SYNPR: variants seen among roughly 807,000 people sequenced by gnomAD.
SYNPR encodes synaptoporin.
In SYNPR, 23 loss-of-function variants were observed where a neutral mutation model predicts 32.9. The ratio of observed to expected loss-of-function variants is 0.70; its 90% CI spans 0.50 to 0.99. SYNPR has a LOEUF of 0.99. Among genes scored for constraint, SYNPR ranks in the 50% least tolerant of loss-of-function variants. The probability of loss-of-function intolerance (pLI) is 0.00; values close to 1 mark genes in which losing one functional copy is unlikely to be tolerated. For missense variants in SYNPR, 318 were observed against 349.3 expected (o/e 0.91, Z 0.71); for synonymous variants, 146 against 135.9 (o/e 1.07, Z -0.52).
chr3:63,384,742 T>C (rs1467363195), intron 2 of SYNPR, among the ~76,000 whole-genome samples: 1 of 152,228 alleles, frequency 6.6e-6, no homozygotes, highest in African/African-American at 2.4e-5. Flanking sequence ...ATGCTGTACA[T>C]TGATTTTTCT....
chr3:63,376,476 T>C (rs1298718804), intron 2 of SYNPR, among the ~76,000 whole-genome samples: 3 of 152,182 alleles, frequency 2.0e-5, no homozygotes, highest in East Asian at 3.9e-4. Flanking sequence ...TATAGGCTTC[T>C]CTCTACATTA....
chr3:63,490,625 A>T (rs932081687), intron 3 of SYNPR, among the ~76,000 whole-genome samples: 5 of 152,102 alleles, frequency 3.3e-5, no homozygotes, highest in Non-Finnish European at 5.9e-5. Context: ...AGTCCTGTTC[A>T]TTAGTTTTTC....
chr3:63,545,422 A>C (rs1476072052), intron 3 of SYNPR: 1 of 152,102 alleles, frequency 6.6e-6, no homozygotes, highest in Non-Finnish European at 1.5e-5. Flanking sequence ...GCGTGAGGCT[A>C]TTTAGAAAAT....
At chr3:63,454,805 G>A (rs1362733199) in intron 2 of SYNPR, among the ~76,000 whole-genome samples, 1 of 152,070 alleles carries the variant, frequency 6.6e-6, no homozygotes, top group Non-Finnish European at 1.5e-5. Flanking sequence ...GTGGGGAATG[G>A]TTGAGGTTAT....
intron 3 of SYNPR, among the ~76,000 whole-genome samples, chr3:63,486,858 G>T (rs4688404): frequency 0.43 from 65,646 of 151,860 alleles, 14,231 homozygotes; most frequent in East Asian, 0.49. Flanking sequence ...TATATGGGAG[G>T]TTTTTCCCAG....
At chr3:63,511,125 G>T (rs1449619118) in intron 3 of SYNPR, among the ~76,000 whole-genome samples, 1 of 146,520 alleles carries the variant, frequency 6.8e-6, no homozygotes. Context: ...ATGCTTTTTG[G>T]GTATTGGGAA....
intron 3 of SYNPR, among the ~76,000 whole-genome samples, chr3:63,485,589 T>C (rs1366471503): frequency 1.3e-5 from 2 of 152,136 alleles, no homozygotes; most frequent in Non-Finnish European, 2.9e-5. Flanking sequence ...CACAGACCAA[T>C]ACAATGCAAA....
intron 2 of SYNPR, among the ~76,000 whole-genome samples, chr3:63,317,609 T>G (rs1210368430): frequency 6.6e-6 from 1 of 152,016 alleles, no homozygotes; most frequent in Non-Finnish European, 1.5e-5. Context: ...CCCTTTAAGT[T>G]TATTTGAGTC....
intron 3 of SYNPR, among the ~76,000 whole-genome samples, chr3:63,522,237 C>A (rs553063526): frequency 1.4e-4 from 22 of 152,286 alleles, no homozygotes; most frequent in African/African-American, 4.8e-4. Context: ...AAATGTAGGA[C>A]CATCCTCTAT....
At chr3:63,510,836 T>C (rs1394376574) in intron 3 of SYNPR, among the ~76,000 whole-genome samples, 1 of 152,064 alleles carries the variant, frequency 6.6e-6, no homozygotes, top group Non-Finnish European at 1.5e-5. Flanking sequence ...GAATGGAGAC[T>C]GGAAATATGT....
At chr3:63,588,142 CTGTT>C (rs1182563492) in intron 4 of SYNPR, among the ~76,000 whole-genome samples, 1 of 152,008 alleles carries the variant, frequency 6.6e-6, no homozygotes, top group Admixed American at 6.6e-5. Flanking sequence ...CAGTTTGTGT[CTGTT>C]TGTGTGATAT....
At chr3:63,601,225 A>T (rs948984585) in intron 4 of SYNPR, among the ~76,000 whole-genome samples, 4 of 151,794 alleles carry the variant, frequency 2.6e-5, no homozygotes, top group African/African-American at 9.7e-5. Context: ...GTGAGCCGAG[A>T]TCGTGCCATT....
chr3:63,386,214 G>C (rs978202878), intron 2 of SYNPR, among the ~76,000 whole-genome samples: 8 of 152,304 alleles, frequency 5.3e-5, no homozygotes, highest in African/African-American at 1.9e-4. Context: ...AAAGGAAATG[G>C]AGGCACAGAG....
chr3:63,419,921 GT>G (rs922368657), intron 2 of SYNPR, among the ~76,000 whole-genome samples: 2 of 152,168 alleles, frequency 1.3e-5, no homozygotes, highest in African/African-American at 4.8e-5. Context: ...GAAGATTCCA[GT>G]TTTTTCACAT....
chr3:63,488,815 T>C (rs190585035), intron 3 of SYNPR, among the ~76,000 whole-genome samples: 2 of 152,104 alleles, frequency 1.3e-5, no homozygotes, highest in Non-Finnish European at 2.9e-5. Context: ...TTGTAGGGAA[T>C]GTCTTGGGGA....
At chr3:63,469,996 A>G (rs1357855527) in intron 2 of SYNPR, among the ~76,000 whole-genome samples, 1 of 152,216 alleles carries the variant, frequency 6.6e-6, no homozygotes, top group African/African-American at 2.4e-5. Flanking sequence ...GATGTTGTCT[A>G]CATTTATGAT....
rs1404066290 is a variant in SYNPR at position 63,458,987 on chromosome 3, ATCTC to A, written c.85-21841_85-21838del. On this transcript the variant is annotated intron_variant, in intron 2 of 5. Coordinates refer to ENST00000478300, the MANE Select transcript of SYNPR (RefSeq NM_001130003.2). ...AATGCTATAAGAATCCTTCTGAAGTATCTCTCTATCTCTCCTCTCCCGTCACTTA... is the reference window on the plus strand; with the variant it reads ...AATGCTATAAGAATCCTTCTGAAGTATCTATCTCTCCTCTCCCGTCACTTA... 2.6e-5 allele frequency among the ~76,000 whole-genome samples: 4 copies of A among 151,944 alleles called. No individual in the cohort carries two copies. In the East Asian group the frequency reaches 7.8e-4, roughly 30 times the overall value.
chr3:63,268,935 A>T (rs2086512388), intron 3 of SYNPR, among the ~76,000 whole-genome samples: 1 of 152,202 alleles, frequency 6.6e-6, no homozygotes, highest in Non-Finnish European at 1.5e-5. Context: ...ATTTCTAGGT[A>T]ATTTTACTCA....
rs181892480 is a variant in SYNPR at position 63,518,365 on chromosome 3, C to G, written c.209+37409C>G. Among the ~76,000 whole-genome samples the G allele has an allele frequency of 2.3e-3, 343 of 152,174 alleles. 3 individuals carry two copies. The highest frequency in any genetic ancestry group is 7.6e-3 in the African/African-American group (315 of 41,528). ...GACTGCAAATATCCAGAGAAGGAAACAGACATGCTTGACCCCTCACACCCA... is the reference window on the plus strand; with the variant it reads ...GACTGCAAATATCCAGAGAAGGAAAGAGACATGCTTGACCCCTCACACCCA... On this transcript the variant is annotated intron_variant, in intron 3 of 5. Coordinates refer to ENST00000478300, the MANE Select transcript of SYNPR (RefSeq NM_001130003.2).
Sources: allele counts gnomAD v4.1 joint callset (sites outside exome capture counted in the v4.1 genomes callset), GRCh38; gene constraint gnomAD v4.1.1; transcripts MANE v1.5; gene names NCBI Gene and HGNC (gene_info 2026-07-23, HGNC 2026-07-21).